The following LARGE1 variants were observed in gnomAD, a reference collection of about 807,000 sequenced individuals.
LARGE1 encodes xylosyl- and glucuronyltransferase LARGE1.
Under a neutral mutation model 87.6 loss-of-function variants are expected in LARGE1, and 43 were observed. That is an observed-to-expected ratio of 0.49 (90% CI 0.38 to 0.63). The LOEUF is 0.63. Ranked by LOEUF, LARGE1 falls within the 30% of genes least tolerant of loss-of-function variation. LARGE1 has a pLI of 0.00. For missense variants in LARGE1, 802 were observed against 1,000.2 expected, an observed-to-expected ratio of 0.80 and a Z score of 2.67; for synonymous variants, 434 against 394.6, an observed-to-expected ratio of 1.10 and a Z score of -1.18.
intron 1 of LARGE1, among the ~76,000 whole-genome samples, chr22:33,874,445 G>A (rs1175812285): frequency 1.3e-5 from 2 of 152,184 alleles, no homozygotes; most frequent in Non-Finnish European, 2.9e-5. Flanking sequence ...AAACAGAAAG[G>A]CAATGTAACA....
At chr22:33,169,896 C>A (rs1922472166) in intron 11 of LARGE1, among the ~76,000 whole-genome samples, 1 of 151,986 alleles carries the variant, frequency 6.6e-6, no homozygotes, top group Admixed American at 6.6e-5. Context: ...AGCACTGAGA[C>A]ACCAGGGAAA....
At chr22:33,523,884 T>C (rs2071737518) in intron 6 of LARGE1, among the ~76,000 whole-genome samples, 3 of 152,190 alleles carry the variant, frequency 2.0e-5, no homozygotes. Flanking sequence ...ATGGGTACAA[T>C]ATGTGTGTAT....
At chr22:33,247,397 T>C (rs2145705061) in intron 11 of LARGE1, among the ~76,000 whole-genome samples, 1 of 152,284 alleles carries the variant, frequency 6.6e-6, no homozygotes, top group Non-Finnish European at 1.5e-5. Context: ...CGTGAATAAA[T>C]TTGTCAATCA....
chr22:33,341,801 A>T (rs1166880762), intron 9 of LARGE1, among the ~76,000 whole-genome samples: 1 of 152,110 alleles, frequency 6.6e-6, no homozygotes, highest in Non-Finnish European at 1.5e-5. Flanking sequence ...CAAGGTGGGG[A>T]TCAGCAAGTA....
At chr22:33,357,717 C>T (rs1484254340) in intron 9 of LARGE1, among the ~76,000 whole-genome samples, 1 of 151,590 alleles carries the variant, frequency 6.6e-6, no homozygotes, top group African/African-American at 2.4e-5. Context: ...TCGCTTCAAC[C>T]CGGGAGGCAG....
intron 2 of LARGE1, among the ~76,000 whole-genome samples, chr22:33,754,489 C>T (rs2084435946): frequency 1.3e-5 from 2 of 152,010 alleles, no homozygotes; most frequent in South Asian, 4.2e-4. Context: ...GCGCCCACCA[C>T]CACGCCCGGC....
intron 6 of LARGE1, among the ~76,000 whole-genome samples, chr22:33,519,518 G>A (rs1315194709): frequency 6.6e-6 from 1 of 151,996 alleles, no homozygotes; most frequent in Non-Finnish European, 1.5e-5. Flanking sequence ...CCCCTGCACT[G>A]GCTCCCGAAG....
the LARGE1 span, among the ~76,000 whole-genome samples, chr22:33,140,649 C>T: frequency 2.0e-5 from 3 of 152,166 alleles, no homozygotes; most frequent in Non-Finnish European, 2.9e-5. Flanking sequence ...TTCCTGCTCT[C>T]GAACATCAGA....
intron 2 of LARGE1, among the ~76,000 whole-genome samples, chr22:33,682,839 G>A (rs1197778019): frequency 6.6e-6 from 1 of 152,174 alleles, no homozygotes; most frequent in Non-Finnish European, 1.5e-5. Context: ...GAGACATATG[G>A]TTTTATTTTA....
chr22:33,860,272 G>A (rs1043731313), intron 1 of LARGE1, among the ~76,000 whole-genome samples: 4 of 152,116 alleles, frequency 2.6e-5, no homozygotes, highest in Admixed American at 6.5e-5. Flanking sequence ...GATTACAGGC[G>A]TGAGCCACGA....
At position 33,246,594 on chromosome 22, in the gene LARGE1, C is replaced by T. The variant is rs746896233; in HGVS notation, c.1730+57635G>A. On this transcript the variant is annotated intron_variant, in intron 11 of 11. Coordinates refer to the LARGE1 transcript ENST00000608642. ...CCAAGAGGTGGAGGTTGCAGTGAGC[C>T]GAGATCGCACCACTGCACTCCAGCT... is the stretch of plus-strand genomic sequence containing the variant. Among the ~76,000 whole-genome samples, 11 of 151,898 alleles carry T rather than the reference C, an allele frequency of 7.2e-5. No homozygotes were observed. In the South Asian group the frequency reaches 1.0e-3, roughly 14 times the overall value.
intron 11 of LARGE1, chr22:33,305,736 C>G (rs900130359): frequency 4.5e-6 from 1 of 222,670 alleles, no homozygotes; most frequent in Non-Finnish European, 7.5e-6. Flanking sequence ...TTTGCTTCCT[C>G]GTTCAATAGG....
At chr22:33,862,233 C>T (rs752802741) in intron 1 of LARGE1, among the ~76,000 whole-genome samples, 12 of 152,174 alleles carry the variant, frequency 7.9e-5, no homozygotes, top group Non-Finnish European at 1.8e-4. Context: ...AGACAAGCTA[C>T]ACAAACCCCT....
intron 11 of LARGE1, among the ~76,000 whole-genome samples, chr22:33,180,357 C>T (rs1035545923): frequency 2.6e-5 from 4 of 152,166 alleles, no homozygotes; most frequent in Admixed American, 6.5e-5. Context: ...AAATGCAAAT[C>T]AAAACCACGA....
chr22:33,264,338 G>A (rs1215987817), intron 11 of LARGE1, among the ~76,000 whole-genome samples: 1 of 152,194 alleles, frequency 6.6e-6, no homozygotes, highest in Non-Finnish European at 1.5e-5. Context: ...ATCAAAGAAG[G>A]CAGTTTCAGG....
intron 11 of LARGE1, among the ~76,000 whole-genome samples, chr22:33,233,436 CT>C (rs1193741649): frequency 6.6e-6 from 1 of 152,148 alleles, no homozygotes; most frequent in African/African-American, 2.4e-5. Context: ...ATGTTTCCTC[CT>C]TCCTCTTGTC....
At chr22:33,121,335 T>C in the LARGE1 span, among the ~76,000 whole-genome samples, 1 of 152,198 alleles carries the variant, frequency 6.6e-6, no homozygotes, top group African/African-American at 2.4e-5. Flanking sequence ...AGATGTCCTT[T>C]GTTTTTAGTC....
chr22:33,765,377 C>A lies in LARGE1; in HGVS notation c.-82-3819G>T, dbSNP rs188398403. Among the ~76,000 whole-genome samples the A allele has an allele frequency of 2.5e-4, 38 of 151,988 alleles. No individual in the cohort carries two copies. The East Asian group carries it at 7.1e-3, about 29-fold the overall frequency. On this transcript the variant is annotated intron_variant, in intron 1 of 14. Transcript: ENST00000397394. ...TATATCATAACTGTTAACTCTCATTCCAGAAAAAAGTACAATAGAAAGGCA... is the reference window on the plus strand; with the variant it reads ...TATATCATAACTGTTAACTCTCATTACAGAAAAAAGTACAATAGAAAGGCA...
At chr22:33,367,020 C>CT (rs569924234) in intron 9 of LARGE1, among the ~76,000 whole-genome samples, 15 of 152,110 alleles carry the variant, frequency 9.9e-5, no homozygotes, top group Admixed American at 3.9e-4. Flanking sequence ...AAACTTTATA[C>CT]TTTTTTCTTA....
Sources: allele counts gnomAD v4.1 joint callset (sites outside exome capture counted in the v4.1 genomes callset), GRCh38; gene constraint gnomAD v4.1.1; transcripts MANE v1.5; gene names NCBI Gene and HGNC (gene_info 2026-07-23, HGNC 2026-07-21).